ZGLP1: variants seen among roughly 807,000 people sequenced by gnomAD.
ZGLP1 encodes the protein zinc finger GATA like protein 1.
Under a neutral mutation model 21.4 loss-of-function variants are expected in ZGLP1, and 11 were observed. The observed-to-expected ratio is 0.51, with a 90% CI of 0.32 to 0.85. The LOEUF is 0.85. ZGLP1 is among the 40% of genes least tolerant of loss of function. The pLI is 0.03. For missense variants in ZGLP1, 295 were observed against 355.6 expected, an observed-to-expected ratio of 0.83 and a Z score of 1.37; for synonymous variants, 148 against 145.0, an observed-to-expected ratio of 1.02 and a Z score of -0.15.
In ZGLP1 at chr19:10,305,588, C is replaced by A. The variant is rs2040274650; in HGVS notation, c.605-105G>T. On this transcript the variant is annotated intron_variant, in intron 2 of 3. Coordinates refer to ENST00000403903, the Ensembl canonical transcript of ZGLP1. The surrounding 1 kb of genome is among the most constrained non-coding windows in gnomAD (Gnocchi z 4.7). ...TGTGGGGGTCTCAGTAAAGGCCCCA[C>A]CTAGCTCTGGATCAGCCCTGGGAGT... is the stretch of plus-strand genomic sequence containing the variant. 1 of 1,004,622 alleles carries A rather than the reference C, an allele frequency of 1.0e-6. No individual in the cohort carries two copies. 62.2% of individuals were successfully genotyped at this position (1,004,622 alleles called of 1,614,324 possible). A position where few individuals can be genotyped will look rare whatever the true frequency, so the allele number is the denominator to read the frequency against.
chr19:10,308,851 G>C lies in ZGLP1; in HGVS notation c.-170C>G, dbSNP rs535602367. On this transcript the variant is annotated 5_prime_UTR_variant, in exon 1 of 4. Coordinates refer to ENST00000403903, the Ensembl canonical transcript of ZGLP1. ...GACCGAGGCAGGATATCAAGCCTCT[G>C]GCTGCAGGATCGAGAAAAAGGTTAC... is the stretch of plus-strand genomic sequence containing the variant. The C allele has an allele frequency of 7.9e-5, 39 of 490,952 alleles. No individual in the cohort carries two copies. The South Asian group carries it at 1.9e-3, about 24-fold the overall frequency. The allele number at this position is 490,952 out of a possible 1,614,324, so 30.4% of individuals were successfully genotyped here. A position where few individuals can be genotyped will look rare whatever the true frequency, so the allele number is the denominator to read the frequency against.
At position 10,305,770 on chromosome 19, in the gene ZGLP1, G is replaced by C. The variant is rs1479397404; in HGVS notation, c.604+76C>G. The stretch of plus-strand genomic sequence containing the variant: ...ATGGGGAAGCAAGATGGAGAAGGGG[G>C]GGGCAGGGAGAAAGGCAGGGAAGAC... On this transcript the variant is annotated intron_variant, in intron 2 of 3. Coordinates refer to ENST00000403903, the Ensembl canonical transcript of ZGLP1. This position sits in a 1 kb window ranked among gnomAD's most constrained non-coding sequence, Gnocchi z 4.7. 2 of 1,196,000 alleles carry C rather than the reference G, an allele frequency of 1.7e-6. No homozygotes were observed. Among genetic ancestry groups the C allele is most frequent in the South Asian group, 2.6e-5 (2 of 77,118 alleles). 74.1% of individuals were successfully genotyped at this position (1,196,000 alleles called of 1,614,324 possible).
At chr19:10,304,944 G>A (rs961661660) in exon 4 of ZGLP1, 9 of 669,324 alleles carry the variant, frequency 1.3e-5, no homozygotes, top group Non-Finnish European at 2.3e-5. Context: ...TGAGGCCTGG[G>A]TCTTCCCCCG....
Position 10,305,962 on chromosome 19 carries a change from A to T in ZGLP1, c.498-10T>A. ...GCTACTGCAGGGCAGGCTGTGGGGCAGACAAGGTATTAGCACTGGGGGGGA... is the reference window on the plus strand; with the variant it reads ...GCTACTGCAGGGCAGGCTGTGGGGCTGACAAGGTATTAGCACTGGGGGGGA... On this transcript the variant is annotated splice_polypyrimidine_tract_variant and intron_variant, in intron 1 of 3. Transcript: ENST00000403903. This position sits in a 1 kb window ranked among gnomAD's most constrained non-coding sequence, Gnocchi z 4.7. The T allele has an allele frequency of 6.5e-7, 1 of 1,549,736 alleles. No homozygotes were observed. Among genetic ancestry groups the T allele is most frequent in the East Asian group, 2.4e-5 (1 of 41,452 alleles).
At position 10,305,327 on chromosome 19, in the gene ZGLP1, T is replaced by A; in HGVS notation, c.698+63A>T. ...TGCTTTTTGCTTTCCCCACAGGCCA[T>A]CCTGGTTACACGTGGACTGATTTGG... On this transcript the variant is annotated intron_variant, in intron 3 of 3. Coordinates refer to ENST00000403903, the Ensembl canonical transcript of ZGLP1. The surrounding 1 kb of genome is among the most constrained non-coding windows in gnomAD (Gnocchi z 4.7). 1 of 1,544,870 alleles carries A rather than the reference T, an allele frequency of 6.5e-7. No homozygotes were observed. Among genetic ancestry groups the A allele is most frequent in the Non-Finnish European group, 8.8e-7 (1 of 1,133,432 alleles).
exon 4 of ZGLP1, chr19:10,304,941 TG>T: frequency 1.5e-6 from 1 of 664,730 alleles, no homozygotes; most frequent in Non-Finnish European, 2.6e-6. Flanking sequence ...ACCTGAGGCC[TG>T]GGTCTTCCCC....
In ZGLP1 at chr19:10,305,715, G is replaced by A. The variant is rs369217987; in HGVS notation, c.604+131C>T. On this transcript the variant is annotated intron_variant, in intron 2 of 3. Coordinates refer to ENST00000403903, the Ensembl canonical transcript of ZGLP1. This position sits in a 1 kb window ranked among gnomAD's most constrained non-coding sequence, Gnocchi z 4.7. ...GGGTGACTCAGCCCAAGTGGAGGGGGGTGCTGCGACTCCTCCCTGAGGGCT... is the reference window on the plus strand; with the variant it reads ...GGGTGACTCAGCCCAAGTGGAGGGGAGTGCTGCGACTCCTCCCTGAGGGCT... The A allele has an allele frequency of 1.0e-5, 8 of 794,694 alleles. No homozygotes were observed. Among genetic ancestry groups the A allele is most frequent in the East Asian group, 5.3e-5 (2 of 37,488 alleles). The allele number at this position is 794,694 out of a possible 1,614,324, so 49.2% of individuals were successfully genotyped here. A position where few individuals can be genotyped will look rare whatever the true frequency, so the allele number is the denominator to read the frequency against.
chr19:10,308,701 G>C, exon 1 of ZGLP1: 1 of 1,476,424 alleles, frequency 6.8e-7, no homozygotes, highest in Non-Finnish European at 9.0e-7. Context: ...TGGGTGGAAG[G>C]TTTAAGAGTT....
Position 10,305,755 on chromosome 19 carries a change from A to G in ZGLP1, c.604+91T>C. 1 of 1,094,406 alleles carries G rather than the reference A, an allele frequency of 9.1e-7. No homozygotes were observed. Among genetic ancestry groups the G allele is most frequent in the South Asian group, 1.3e-5 (1 of 74,992 alleles). The allele number at this position is 1,094,406 out of a possible 1,614,324, so 67.8% of individuals were successfully genotyped here. ...CCCTGAGGGCTCTAAATGGGGAAGC[A>G]AGATGGAGAAGGGGGGGGCAGGGAG... On this transcript the variant is annotated intron_variant, in intron 2 of 3. Coordinates refer to ENST00000403903, the Ensembl canonical transcript of ZGLP1. The surrounding 1 kb of genome is among the most constrained non-coding windows in gnomAD (Gnocchi z 4.7).
chr19:10,309,520 C>G (rs185295256), exon 1 of ZGLP1: 1 of 152,702 alleles, frequency 6.5e-6, no homozygotes, highest in Non-Finnish European at 1.5e-5. Context: ...TAATTTCACC[C>G]GGCCCTGTCC....
Position 10,305,358 on chromosome 19 carries a change from C to A in ZGLP1, c.698+32G>T. Reference sequence around the variant, plus strand: ...TTACACGTGGACTGATTTGGGGACCCCCGCCCCAACTCCCTCCTCCATTCT... The same window carrying A: ...TTACACGTGGACTGATTTGGGGACCACCGCCCCAACTCCCTCCTCCATTCT... On this transcript the variant is annotated intron_variant, in intron 3 of 3. Coordinates refer to ENST00000403903, the Ensembl canonical transcript of ZGLP1. The surrounding 1 kb of genome is among the most constrained non-coding windows in gnomAD (Gnocchi z 4.7). 1 of 1,563,190 alleles carries A rather than the reference C, an allele frequency of 6.4e-7. No homozygotes were observed. The highest frequency in any genetic ancestry group is 2.4e-5 in the East Asian group (1 of 42,464).
Position 10,305,264 on chromosome 19 carries a change from G to A in ZGLP1, c.699-56C>T, listed in dbSNP as rs566287956. ...AGGATGCAGTGGGGGCCCGGAAACCGCCACAAGGAAACCACTTTTCCCAAG... is the reference window on the plus strand; with the variant it reads ...AGGATGCAGTGGGGGCCCGGAAACCACCACAAGGAAACCACTTTTCCCAAG... On this transcript the variant is annotated intron_variant, in intron 3 of 3. Coordinates refer to ENST00000403903, the Ensembl canonical transcript of ZGLP1. This position sits in a 1 kb window ranked among gnomAD's most constrained non-coding sequence, Gnocchi z 4.7. 2.1e-5 allele frequency: 34 copies of A among 1,583,432 alleles called. No individual in the cohort carries two copies. Among genetic ancestry groups the A allele is most frequent in the East Asian group, 1.1e-4 (5 of 44,664 alleles).
At chr19:10,308,144 T>A (rs2040289711) in intron 1 of ZGLP1, 41 bp downstream of exon 2, 2 of 1,508,854 alleles carry the variant, frequency 1.3e-6, no homozygotes, top group Non-Finnish European at 8.8e-7. Context: ...GTTTGCGTTG[T>A]AACTGGGAGA....
exon 1 of ZGLP1, chr19:10,308,964 C>G (rs944061812): frequency 1.1e-5 from 3 of 282,168 alleles, no homozygotes; most frequent in Non-Finnish European, 1.3e-5. Context: ...TCAGTGCAGC[C>G]TAGAACTCCT....
At position 10,308,602 on chromosome 19, in the gene ZGLP1, GC is replaced by G; in HGVS notation, c.79del (p.Ala27LeufsTer105). The G allele has an allele frequency of 6.4e-7, 1 of 1,562,976 alleles. No homozygotes were observed. Among genetic ancestry groups the G allele is most frequent in the Non-Finnish European group, 8.7e-7 (1 of 1,153,270 alleles). On this transcript the variant is annotated frameshift_variant, in exon 1 of 4. Coordinates refer to ENST00000403903, the Ensembl canonical transcript of ZGLP1. LOFTEE classifies it high-confidence loss of function. Reference sequence around the variant, plus strand: ...TTTTCTTGGGTGACTCCTGGGTTTAGCCGGCCAGGGGGTTCCAACTTGGGCC... The same window carrying G: ...TTTTCTTGGGTGACTCCTGGGTTTAGCGGCCAGGGGGTTCCAACTTGGGCC...
In ZGLP1 at chr19:10,308,359, T is replaced by C. The variant is rs770229177; in HGVS notation, c.323A>G (p.Gln108Arg). ...CGGGGGCTGCAGACGGCGGCCCTTT[T>C]GGCTGATCCTGGTCTGTGTGTCCTT... The change falls in exon 1 of 4, where the codon CAA becomes CGA. Residue 108 changes from glutamine to arginine, a missense_variant. Transcript: ENST00000403903. The C allele has an allele frequency of 6.2e-7, 1 of 1,607,574 alleles. No individual in the cohort carries two copies. The highest frequency in any genetic ancestry group is 1.1e-5 in the South Asian group (1 of 90,452).
At chr19:10,304,938 G>T in exon 4 of ZGLP1, 1 of 653,294 alleles carries the variant, frequency 1.5e-6, no homozygotes, top group Non-Finnish European at 2.6e-6. Context: ...GCCACCTGAG[G>T]CCTGGGTCTT....
chr19:10,307,671 C>T (rs140064300), intron 1 of ZGLP1, among the ~76,000 whole-genome samples: 34 of 152,218 alleles, frequency 2.2e-4, no homozygotes, highest in African/African-American at 7.5e-4. Flanking sequence ...CCCACTACAA[C>T]GCCCAGCTAA....
At chr19:10,308,067 G>A (rs2040289250) in intron 1 of ZGLP1, 118 bp downstream of exon 2, 42 of 1,386,080 alleles carry the variant, frequency 3.0e-5, no homozygotes, top group South Asian at 6.3e-5. Context: ...ACTGGGCCAC[G>A]TGTAACGTAG....
Sources: allele counts gnomAD v4.1 joint callset (sites outside exome capture counted in the v4.1 genomes callset), GRCh38; gene constraint gnomAD v4.1.1; non-coding constraint Gnocchi (gnomAD v3.1); transcripts MANE v1.5; gene names NCBI Gene and HGNC (gene_info 2026-07-23, HGNC 2026-07-21).